WWOX: variants seen among roughly 807,000 people sequenced by gnomAD.
WWOX encodes the protein WW domain-containing oxidoreductase.
A neutral mutation model predicts 46.2 loss-of-function variants in WWOX; 69 were observed. The observed-to-expected ratio is 1.49, with a 90% confidence interval of 1.23 to 1.82. The LOEUF is 1.82. WWOX is among the 40% of genes most tolerant of loss of function. The pLI is 0.00. For missense variants in WWOX, 919 were observed against 542.6 expected, an observed-to-expected ratio of 1.69 and a Z score of -6.89; for synonymous variants, 359 against 202.6, an observed-to-expected ratio of 1.77 and a Z score of -6.56.
intron 4 of WWOX, among the ~76,000 whole-genome samples, chr16:78,119,419 A>G (rs1020566081): frequency 1.2e-4 from 18 of 152,100 alleles, no homozygotes. Context: ...GCCCCCTGCT[A>G]CCTGCAGGCT....
At chr16:78,249,803 CCACAAACATTT>C (rs1366707586) in intron 5 of WWOX, among the ~76,000 whole-genome samples, 1 of 151,820 alleles carries the variant, frequency 6.6e-6, no homozygotes, top group Non-Finnish European at 1.5e-5. Context: ...GGTGAACATT[CCACAAACATTT>C]AATACAGAGA....
intron 8 of WWOX, among the ~76,000 whole-genome samples, chr16:78,555,297 G>A (rs1011602852): frequency 6.6e-5 from 10 of 151,936 alleles, no homozygotes; most frequent in Non-Finnish European, 1.5e-4. Context: ...CAAACTGAAA[G>A]GGAAAGGTAC....
At chr16:78,432,261 A>G (rs1447108663) in intron 7 of WWOX, among the ~76,000 whole-genome samples, 5 of 151,674 alleles carry the variant, frequency 3.3e-5, no homozygotes, top group African/African-American at 4.8e-5. Flanking sequence ...GCATGCCACC[A>G]CACCTGGCTA....
intron 8 of WWOX, among the ~76,000 whole-genome samples, chr16:79,059,093 T>G (rs1358180454): frequency 6.6e-6 from 1 of 152,246 alleles, no homozygotes; most frequent in Non-Finnish European, 1.5e-5. Flanking sequence ...GAAAATGACA[T>G]TTTAAATTAA....
chr16:78,609,975 C>A (rs1271829843), intron 8 of WWOX, among the ~76,000 whole-genome samples: 1 of 150,312 alleles, frequency 6.7e-6, no homozygotes, highest in Non-Finnish European at 1.5e-5. Flanking sequence ...CCCCCACCCC[C>A]CTTTAAGTAA....
intron 8 of WWOX, among the ~76,000 whole-genome samples, chr16:78,581,581 GT>G (rs920308115): frequency 2.2e-4 from 34 of 151,790 alleles, no homozygotes; most frequent in Non-Finnish European, 4.9e-4. Context: ...CTCTAGGAAT[GT>G]TTTTTTTAAC....
rs529812201 is a variant in WWOX, at chr16:79,047,672, A to ACTTTTTTTTTTTTTTTTTTTT, written c.1057-163936_1057-163935insCTTTTTTTTTTTTTTTTTTTT. 3.7e-5 allele frequency among the ~76,000 whole-genome samples: 2 copies of ACTTTTTTTTTTTTTTTTTTTT among 53,522 alleles called. 1 individual carries two copies. Among genetic ancestry groups the ACTTTTTTTTTTTTTTTTTTTT allele is most frequent in the African/African-American group, 1.5e-4 (2 of 13,040 alleles). The allele number at this position is 53,522 out of a possible 152,430, so 35.1% of individuals were successfully genotyped here. On this transcript the variant is annotated intron_variant, in intron 8 of 8. Coordinates refer to ENST00000566780, the MANE Select transcript of WWOX (RefSeq NM_016373.4). ...GTGACTTTCTCCTGAGACTGTCCTG[A>ACTTTTTTTTTTTTTTTTTTTT]TTTTTTTTTTTTTTTTTTTTTTTTT...
intron 8 of WWOX, among the ~76,000 whole-genome samples, chr16:78,982,647 A>G (rs1437883908): frequency 6.6e-6 from 1 of 152,154 alleles, no homozygotes; most frequent in African/African-American, 2.4e-5. Flanking sequence ...AAGGACTAAT[A>G]TTTCTGGTGC....
At chr16:78,411,747 A>C (rs1055890743) in intron 6 of WWOX, among the ~76,000 whole-genome samples, 1 of 152,220 alleles carries the variant, frequency 6.6e-6, no homozygotes, top group African/African-American at 2.4e-5. Context: ...GGTGTGGGCT[A>C]TTGCAGTGAC....
intron 5 of WWOX, among the ~76,000 whole-genome samples, chr16:78,173,081 C>T (rs888551849): frequency 6.6e-6 from 1 of 152,206 alleles, no homozygotes; most frequent in Admixed American, 6.5e-5. Context: ...GTAGATGAAG[C>T]AGCCAGTCTC....
intron 8 of WWOX, among the ~76,000 whole-genome samples, chr16:78,817,880 T>C (rs894735573): frequency 1.3e-5 from 2 of 152,176 alleles, no homozygotes; most frequent in Admixed American, 1.3e-4. Flanking sequence ...TCATTTTCTT[T>C]AGAAATGAGA....
At chr16:78,826,105 C>T (rs1465663189) in intron 8 of WWOX, 2 of 317,228 alleles carry the variant, frequency 6.3e-6, no homozygotes, top group African/African-American at 2.2e-5. Flanking sequence ...CCTGTAATCC[C>T]AGCACTGTGG....
At chr16:78,722,347 A>C (rs572238792) in intron 8 of WWOX, among the ~76,000 whole-genome samples, 20 of 152,278 alleles carry the variant, frequency 1.3e-4, no homozygotes, top group African/African-American at 4.8e-4. Flanking sequence ...CTCATCTGTA[A>C]AATGGAGATC....
intron 8 of WWOX, among the ~76,000 whole-genome samples, chr16:78,961,773 C>T (rs2046275352): frequency 6.6e-6 from 1 of 152,162 alleles, no homozygotes; most frequent in South Asian, 2.1e-4. Flanking sequence ...ATCTTTTAAA[C>T]AAGTACCTCA....
intron 8 of WWOX, among the ~76,000 whole-genome samples, chr16:78,489,759 T>G (rs1232196718): frequency 6.6e-6 from 1 of 151,990 alleles, no homozygotes; most frequent in Admixed American, 6.6e-5. Flanking sequence ...CAAGGGGAGT[T>G]TGGAAACCCT....
At chr16:78,101,326 C>T (rs776897880) in intron 1 of WWOX, among the ~76,000 whole-genome samples, 3 of 131,172 alleles carry the variant, frequency 2.3e-5, no homozygotes, top group African/African-American at 7.8e-5. Flanking sequence ...GGATTACAGG[C>T]GTGAGCTACC....
chr16:79,061,968 A>G (rs1053095104), intron 8 of WWOX, among the ~76,000 whole-genome samples: 3 of 152,180 alleles, frequency 2.0e-5, no homozygotes, highest in African/African-American at 7.2e-5. Flanking sequence ...CTCCCCTTGT[A>G]GTGCCTGCAT....
intron 8 of WWOX, among the ~76,000 whole-genome samples, chr16:78,494,630 T>C (rs1023675224): frequency 2.6e-5 from 4 of 152,174 alleles, no homozygotes; most frequent in Non-Finnish European, 4.4e-5. Context: ...ACAGGTACCT[T>C]GGAAAGACTG....
rs960710778 is a variant in WWOX, at chr16:78,695,257, C to T, written c.1056+262505C>T. The stretch of plus-strand genomic sequence containing the variant: ...TTATTATTATTATTGTGTTTACATC[C>T]ACAGGCAATCACATATTTTAGGTTG... On this transcript the variant is annotated intron_variant, in intron 8 of 8. Transcript: ENST00000566780. Among the ~76,000 whole-genome samples the T allele has an allele frequency of 4.7e-4, 72 of 152,066 alleles. 1 individual carries two copies. Among genetic ancestry groups the T allele is most frequent in the African/African-American group, 1.7e-3 (72 of 41,470 alleles).
Sources: allele counts gnomAD v4.1 joint callset (sites outside exome capture counted in the v4.1 genomes callset), GRCh38; gene constraint gnomAD v4.1.1; transcripts MANE v1.5; gene names NCBI Gene and HGNC (gene_info 2026-07-23, HGNC 2026-07-21).